The following GTF2I variants were observed in gnomAD, a reference collection of about 807,000 sequenced individuals.
GTF2I encodes general transcription factor IIi.
Under a neutral mutation model 67.6 loss-of-function variants are expected in GTF2I, and 12 were observed. The ratio of observed to expected loss-of-function variants is 0.18; its 90% CI spans 0.11 to 0.29. The LOEUF (loss-of-function observed/expected upper bound fraction) is 0.29. GTF2I is among the 10% of genes least tolerant of loss of function. The pLI is 1.00. For synonymous variants in GTF2I, 149 were observed against 197.0 expected, an observed-to-expected ratio of 0.76 and a Z score of 2.04; for missense variants, 271 against 580.1, an observed-to-expected ratio of 0.47 and a Z score of 5.47.
At chr7:74,717,191 T>C (rs1584260575) in intron 11 of GTF2I, 5 of 342,402 alleles carry the variant, frequency 1.5e-5, no homozygotes, top group East Asian at 1.4e-4. Flanking sequence ...TCTTACATGA[T>C]GCAAAATGCT....
intron 1 of GTF2I, among the ~76,000 whole-genome samples, chr7:74,672,776 G>T (rs1805572203): frequency 6.6e-6 from 1 of 152,162 alleles, no homozygotes; most frequent in Admixed American, 6.6e-5. Flanking sequence ...TCTGTTGGAG[G>T]ATATGTCAGA....
chr7:74,700,611 T>C lies in GTF2I; in HGVS notation c.563T>C (p.Phe188Ser). The C allele has an allele frequency of 6.2e-7, 1 of 1,614,174 alleles. No individual in the cohort carries two copies. Among genetic ancestry groups the C allele is most frequent in the African/African-American group, 1.3e-5 (1 of 75,072 alleles). The change falls in exon 6 of 35, where the codon TTT becomes TCT. Residue 188 changes from phenylalanine (F) to serine (S), a missense_variant. By Grantham distance (155) the Phe-to-Ser change is radical. Transcript: ENST00000573035. ...TTTGTTTTGTTTTAATGCAGACCTT[T>C]TTTAGAGCCAAAGAAGCATGTAGGT... Reference protein sequence around the residue: ...AGISFIIKRPFLEPKKHVGGR... With the variant: ...AGISFIIKRPSLEPKKHVGGR...
chr7:74,737,509 G>A (rs1483420540), intron 18 of GTF2I, among the ~76,000 whole-genome samples: 2 of 138,334 alleles, frequency 1.4e-5, no homozygotes, highest in Non-Finnish European at 3.2e-5. Flanking sequence ...GTGGTCTCGA[G>A]GCAGATGCCT....
At chr7:74,690,118 G>A (rs1354544295) in intron 2 of GTF2I, among the ~76,000 whole-genome samples, 3 of 152,092 alleles carry the variant, frequency 2.0e-5, no homozygotes, top group Non-Finnish European at 4.4e-5. Flanking sequence ...GGGAGGCTGA[G>A]ACAGGAGAAT....
At chr7:74,709,676 T>TA (rs1172781531) in intron 8 of GTF2I, among the ~76,000 whole-genome samples, 2 of 151,588 alleles carry the variant, frequency 1.3e-5, no homozygotes, top group Non-Finnish European at 3.0e-5. Context: ...CTTTCTTTCT[T>TA]TATTTTTTTT....
At chr7:74,687,454 C>T in intron 1 of GTF2I, 1 of 387,580 alleles carries the variant, frequency 2.6e-6, no homozygotes, top group Non-Finnish European at 3.5e-6. Flanking sequence ...AACTCCTGAC[C>T]TCAAGAGATC....
intron 2 of GTF2I, among the ~76,000 whole-genome samples, chr7:74,690,599 G>C (rs1410961125): frequency 6.6e-6 from 1 of 152,130 alleles, no homozygotes; most frequent in Non-Finnish European, 1.5e-5. Flanking sequence ...CCTTGTACAA[G>C]ATTCCACCCT....
intron 4 of GTF2I, 54 bp downstream of exon 4, chr7:74,699,149 C>G (rs1789378071): frequency 1.0e-6 from 1 of 1,002,686 alleles, no homozygotes; most frequent in Non-Finnish European, 1.4e-6. Context: ...ATTGAATTTT[C>G]TAAAGGGAAG....
At chr7:74,709,232 A>G (rs1280617294) in intron 8 of GTF2I, among the ~76,000 whole-genome samples, 3 of 151,658 alleles carry the variant, frequency 2.0e-5, no homozygotes, top group African/African-American at 7.3e-5. Context: ...TTTTTTTTGG[A>G]TTTACCTTTT....
chr7:74,709,713 C>T (rs782011054), intron 8 of GTF2I, among the ~76,000 whole-genome samples: 8 of 151,186 alleles, frequency 5.3e-5, no homozygotes, highest in Non-Finnish European at 7.4e-5. Context: ...TGCTGTGTCG[C>T]CCAGGCTGGA....
chr7:74,728,059 G>A (rs192465980), intron 12 of GTF2I: 2 of 152,482 alleles, frequency 1.3e-5, no homozygotes, highest in African/African-American at 2.4e-5. Flanking sequence ...CAGCACTCTG[G>A]GTGGCCGAGG....
chr7:74,712,469 C>T (rs937891369), intron 9 of GTF2I, among the ~76,000 whole-genome samples: 16 of 144,854 alleles, frequency 1.1e-4, no homozygotes, highest in African/African-American at 3.8e-4. Flanking sequence ...TGCTTTACTA[C>T]GTAAATATTC....
chr7:74,680,099 A>AAAAAAAAATAT, intron 1 of GTF2I, among the ~76,000 whole-genome samples: 2 of 95,002 alleles, frequency 2.1e-5, no homozygotes, highest in African/African-American at 8.0e-5. Flanking sequence ...AAAAAAAAAA[A>AAAAAAAAATAT]ATATATATAT....
intron 3 of GTF2I, among the ~76,000 whole-genome samples, chr7:74,691,814 C>T (rs1274255812): frequency 6.6e-6 from 1 of 151,140 alleles, no homozygotes; most frequent in African/African-American, 2.4e-5. Context: ...TCACTCTTGG[C>T]CCCCTGGGCT....
chr7:74,710,360 G>A (rs189831046), intron 8 of GTF2I, among the ~76,000 whole-genome samples: 17 of 151,864 alleles, frequency 1.1e-4, no homozygotes, highest in Non-Finnish European at 1.9e-4. Context: ...GAGTCTCGCC[G>A]TGTCACCCAG....
Position 74,664,259 on chromosome 7 carries a change from CTGTT to C in GTF2I, c.-6+6197_-6+6200del, listed in dbSNP as rs139081249. Among the ~76,000 whole-genome samples, 669 of 152,224 alleles carry C rather than the reference CTGTT, an allele frequency of 4.4e-3. 2 individuals carry two copies. Among genetic ancestry groups the C allele is most frequent in the Non-Finnish European group, 7.4e-3 (504 of 68,014 alleles). On this transcript the variant is annotated intron_variant, in intron 1 of 34. Transcript: ENST00000573035. ...TTCTGGAACTCTCCCTGCTGTCTTC[CTGTT>C]TGTTTTCTCCTCTGTAAAATTCTTG... is the stretch of plus-strand genomic sequence containing the variant.
intron 1 of GTF2I, among the ~76,000 whole-genome samples, chr7:74,672,206 A>C (rs1554390910): frequency 1.3e-5 from 2 of 152,034 alleles, no homozygotes; most frequent in Non-Finnish European, 2.9e-5. Flanking sequence ...CATTAATATA[A>C]ATCGTGATAG....
At chr7:74,668,706 TG>T (rs1446269139) in intron 1 of GTF2I, among the ~76,000 whole-genome samples, 1 of 151,850 alleles carries the variant, frequency 6.6e-6, no homozygotes, top group African/African-American at 2.4e-5. Flanking sequence ...CCTGAGTAGC[TG>T]GGATTACAGG....
At chr7:74,668,331 TTGTGTGTGTG>T (rs71094802) in intron 1 of GTF2I, among the ~76,000 whole-genome samples, 2 of 147,726 alleles carry the variant, frequency 1.4e-5, no homozygotes, top group African/African-American at 5.0e-5. Context: ...GCAAAGCCCA[TTGTGTGTGTG>T]TGTGTGTGTG....
Sources: gnomAD v4.1 joint callset for allele counts (sites outside exome capture counted in the v4.1 genomes callset) on GRCh38, gnomAD v4.1.1 for gene constraint, MANE v1.5 for transcripts, NCBI Gene and HGNC (gene_info 2026-07-23, HGNC 2026-07-21) for gene names.